KALRN: variants seen among roughly 807,000 people sequenced by gnomAD.
KALRN encodes kalirin RhoGEF kinase, also known as kalirin.
Under a neutral mutation model 353.7 loss-of-function variants are expected in KALRN, and 70 were observed. The ratio of observed to expected loss-of-function variants is 0.20; its 90% confidence interval spans 0.16 to 0.24. The LOEUF is 0.24. Ranked by LOEUF, KALRN falls within the 10% of genes least tolerant of loss-of-function variation. KALRN has a pLI of 1.00. For synonymous variants in KALRN, 1,391 were observed against 1,434.8 expected, an observed-to-expected ratio of 0.97 and a Z score of 0.69; for missense variants, 2,791 against 3,756.7, an observed-to-expected ratio of 0.74 and a Z score of 6.72.
intron 19 of KALRN, among the ~76,000 whole-genome samples, chr3:124,443,643 T>C (rs1279289792): frequency 6.6e-6 from 1 of 152,190 alleles, no homozygotes; most frequent in Non-Finnish European, 1.5e-5. Flanking sequence ...GCCAGCTGCC[T>C]ACTGAGAGAC....
intron 51 of KALRN, chr3:124,679,778 G>A (rs2087580101): frequency 1.9e-6 from 1 of 530,438 alleles, no homozygotes; most frequent in Admixed American, 3.1e-5. Flanking sequence ...TCCTTTGGCA[G>A]GTTTGACTTT....
chr3:124,364,568 TG>T (rs1444531411), intron 10 of KALRN, among the ~76,000 whole-genome samples: 1 of 152,228 alleles, frequency 6.6e-6, no homozygotes, highest in Non-Finnish European at 1.5e-5. Context: ...CAGATGGCCC[TG>T]GGTTTTGGCC....
intron 1 of KALRN, among the ~76,000 whole-genome samples, chr3:124,191,372 T>C (rs2074894375): frequency 6.6e-6 from 1 of 152,186 alleles, no homozygotes; most frequent in Admixed American, 6.5e-5. Flanking sequence ...CTTTGGTCTT[T>C]CCAGTGGCCA....
intron 34 of KALRN, among the ~76,000 whole-genome samples, chr3:124,593,357 A>C (rs1212333795): frequency 1.3e-5 from 2 of 152,148 alleles, no homozygotes; most frequent in Admixed American, 1.3e-4. Context: ...GGAACATGTT[A>C]CAAATGCAGA....
chr3:124,541,907 C>T (rs2069077333), intron 33 of KALRN, among the ~76,000 whole-genome samples: 1 of 107,306 alleles, frequency 9.3e-6, no homozygotes, highest in Non-Finnish European at 1.9e-5. Flanking sequence ...AAAGGTAGCC[C>T]AGATCATTTT....
chr3:124,658,720 A>G (rs772096215), intron 42 of KALRN, among the ~76,000 whole-genome samples: 16 of 152,186 alleles, frequency 1.1e-4, no homozygotes, highest in Non-Finnish European at 1.8e-4. Context: ...AGAGGAGCTG[A>G]GGTGGCCCAG....
chr3:124,451,041 A>G (rs2058725572), intron 21 of KALRN, among the ~76,000 whole-genome samples: 1 of 152,174 alleles, frequency 6.6e-6, no homozygotes, highest in South Asian at 2.1e-4. Flanking sequence ...AAAAATTGAT[A>G]AGGAATATCA....
chr3:124,268,666 C>G, intron 4 of KALRN, 77 bp from the exon 5 acceptor site: 1 of 1,447,442 alleles, frequency 6.9e-7, no homozygotes, highest in Non-Finnish European at 9.6e-7. Context: ...TTTATCTTGT[C>G]CTTTCCCTCA....
intron 1 of KALRN, among the ~76,000 whole-genome samples, chr3:124,044,859 C>CTCCCTCCCTCCCTCCCTCCT (rs2040310196): frequency 2.3e-5 from 1 of 43,220 alleles, no homozygotes; most frequent in African/African-American, 7.5e-5. Flanking sequence ...CCCTCCCTCC[C>CTCCCTCCCTCCCTCCCTCCT]TCCTTCCTTC....
intron 1 of KALRN, among the ~76,000 whole-genome samples, chr3:124,159,028 C>T (rs1437707608): frequency 6.6e-6 from 1 of 152,104 alleles, no homozygotes; most frequent in African/African-American, 2.4e-5. Flanking sequence ...CCTTTACAAC[C>T]TTATCACTGA....
chr3:124,367,464 G>T (rs2085002994), intron 10 of KALRN, among the ~76,000 whole-genome samples: 2 of 84,190 alleles, frequency 2.4e-5, no homozygotes, highest in Non-Finnish European at 4.6e-5. Flanking sequence ...GCGGGGGGCT[G>T]ACCCCCCCAC....
chr3:124,215,241 G>GTA (rs1560253192), intron 1 of KALRN, among the ~76,000 whole-genome samples: 5 of 152,294 alleles, frequency 3.3e-5, no homozygotes, highest in African/African-American at 1.2e-4. Context: ...GGGCACCTGG[G>GTA]TAGGGGAGCA....
At chr3:124,295,746 TAAAGA>T (rs1485183779) in intron 5 of KALRN, among the ~76,000 whole-genome samples, 1 of 152,028 alleles carries the variant, frequency 6.6e-6, no homozygotes, top group African/African-American at 2.4e-5. Flanking sequence ...CTTTTGTCAA[TAAAGA>T]AAAGAAATGA....
At chr3:124,199,413 C>T (rs1257909278) in intron 1 of KALRN, among the ~76,000 whole-genome samples, 2 of 152,184 alleles carry the variant, frequency 1.3e-5, no homozygotes, top group African/African-American at 2.4e-5. Flanking sequence ...ACATTTTGTC[C>T]TCCCTGGGAT....
At chr3:124,396,383 A>G (rs1448855669) in intron 12 of KALRN, among the ~76,000 whole-genome samples, 1 of 152,210 alleles carries the variant, frequency 6.6e-6, no homozygotes, top group Non-Finnish European at 1.5e-5. Flanking sequence ...AGATGCTCCA[A>G]ATCCTCCTAT....
chr3:124,200,796 T>G (rs1176346082), intron 1 of KALRN, among the ~76,000 whole-genome samples: 1 of 152,232 alleles, frequency 6.6e-6, no homozygotes, highest in Non-Finnish European at 1.5e-5. Flanking sequence ...AGAGCCACCC[T>G]ACACCATCCC....
At chr3:124,099,263 C>T (rs2061671045) in intron 1 of KALRN, 1 of 152,172 alleles carries the variant, frequency 6.6e-6, no homozygotes, top group African/African-American at 2.4e-5. Context: ...ACTGTTTACA[C>T]CGTAAGATGA....
intron 1 of KALRN, among the ~76,000 whole-genome samples, chr3:124,063,259 T>C (rs147692387): frequency 1.8e-4 from 27 of 152,252 alleles, no homozygotes; most frequent in African/African-American, 6.3e-4. Context: ...TCTTTAATCA[T>C]GTCATGGCAG....
intron 1 of KALRN, among the ~76,000 whole-genome samples, chr3:124,081,914 CCT>C (rs746631614): frequency 3.3e-5 from 5 of 152,158 alleles, no homozygotes; most frequent in Non-Finnish European, 5.9e-5. Flanking sequence ...AAGGACTTTC[CCT>C]GAGTCACAGC....
Sources: gnomAD v4.1 joint callset for allele counts (sites outside exome capture counted in the v4.1 genomes callset) on GRCh38, gnomAD v4.1.1 for gene constraint, MANE v1.5 for transcripts, NCBI Gene and HGNC (gene_info 2026-07-23, HGNC 2026-07-21) for gene names.